RNF128: variants seen among roughly 807,000 people sequenced by gnomAD.
RNF128 encodes the protein E3 ubiquitin-protein ligase RNF128.
A neutral mutation model predicts 26.2 loss-of-function variants in RNF128; 13 were observed. The observed-to-expected ratio is 0.50, with a 90% CI of 0.32 to 0.79. RNF128 has a LOEUF of 0.79. Ranked by LOEUF, RNF128 falls within the 30% of genes least tolerant of loss-of-function variation. The pLI is 0.03. For synonymous variants in RNF128, 149 were observed against 142.5 expected, an observed-to-expected ratio of 1.05 and a Z score of -0.32; for missense variants, 315 against 349.7, an observed-to-expected ratio of 0.90 and a Z score of 0.79.
chrX:106,755,759 A>G (rs749734139), intron 1 of RNF128, among the ~76,000 whole-genome samples: 8 of 111,428 alleles, frequency 7.2e-5, no homozygotes, highest in Admixed American at 9.6e-5. Context: ...AGAAGGAAAT[A>G]AAGGGTATTC....
At chrX:106,718,496 A>C (rs1388511134) in intron 1 of RNF128, among the ~76,000 whole-genome samples, 1 of 111,150 alleles carries the variant, frequency 9.0e-6, no homozygotes, top group Non-Finnish European at 1.9e-5. Context: ...AAAGCTACAC[A>C]GAGACAGCTT....
At chrX:106,716,473 T>G (rs1055633964) in intron 1 of RNF128, among the ~76,000 whole-genome samples, 4 of 111,468 alleles carry the variant, frequency 3.6e-5, no homozygotes, top group African/African-American at 1.3e-4. Context: ...CATGAGGGAG[T>G]TTTTGTGGTA....
At chrX:106,749,403 AAG>A (rs1929842658) in intron 1 of RNF128, among the ~76,000 whole-genome samples, 1 of 112,184 alleles carries the variant, frequency 8.9e-6, no homozygotes, top group African/African-American at 3.2e-5. Flanking sequence ...TAAAGGGAAA[AAG>A]AGGCTCAACA....
chrX:106,756,700 C>T (rs1930017527), intron 1 of RNF128, among the ~76,000 whole-genome samples: 1 of 109,327 alleles, frequency 9.1e-6, no homozygotes, highest in Non-Finnish European at 1.9e-5. Context: ...GTCCAAAACA[C>T]CAAAAGCAAT....
intron 1 of RNF128, among the ~76,000 whole-genome samples, chrX:106,716,235 T>C (rs1291316261): frequency 8.9e-6 from 1 of 111,962 alleles, no homozygotes; most frequent in African/African-American, 3.3e-5. Context: ...CACAGGACTT[T>C]GTACTCCCTC....
At chrX:106,745,035 CAT>C (rs1929771543) in intron 1 of RNF128, among the ~76,000 whole-genome samples, 1 of 111,509 alleles carries the variant, frequency 9.0e-6, no homozygotes, top group Admixed American at 9.6e-5. Flanking sequence ...ATGAGTGTGA[CAT>C]GTCATCCACA....
At chrX:106,787,475 G>A (rs1001997440) in intron 3 of RNF128, among the ~76,000 whole-genome samples, 2 of 111,074 alleles carry the variant, frequency 1.8e-5, no homozygotes, top group African/African-American at 6.5e-5. Flanking sequence ...AGAGGAGTTT[G>A]TTGGGAGTAA....
In RNF128 at chrX:106,790,172, T is replaced by C; in HGVS notation, c.888-14T>C. On this transcript the variant is annotated splice_polypyrimidine_tract_variant and intron_variant, in intron 4 of 6. Transcript: ENST00000255499. ...TACTTTACAACTGATAATTATGTTT[T>C]TTTCCTGAATTAGCCATATTTTCCA... is the stretch of plus-strand genomic sequence containing the variant. 4 of 1,124,242 alleles carry C rather than the reference T, an allele frequency of 3.6e-6. No individual in the cohort carries two copies. Among genetic ancestry groups the C allele is most frequent in the African/African-American group, 1.8e-5 (1 of 55,830 alleles). The allele number at this position is 1,124,242 out of a possible 1,213,427, so 92.7% of individuals were successfully genotyped here.
At chrX:106,787,772 T>C (rs1300439474) in intron 3 of RNF128, 146 bp from the exon 4 acceptor site, 3 of 370,582 alleles carry the variant, frequency 8.1e-6, no homozygotes, top group East Asian at 9.4e-5. Context: ...TTTGGGAACT[T>C]TACAGTTACA....
intron 1 of RNF128, among the ~76,000 whole-genome samples, chrX:106,749,190 A>G (rs1929839177): frequency 8.9e-6 from 1 of 112,104 alleles, no homozygotes; most frequent in South Asian, 3.7e-4. Context: ...ACACACTGAA[A>G]ATCGGGAGAT....
intron 2 of RNF128, among the ~76,000 whole-genome samples, chrX:106,783,224 A>G (rs757165102): frequency 2.7e-5 from 3 of 111,469 alleles, no homozygotes; most frequent in Non-Finnish European, 5.7e-5. Flanking sequence ...TCTTCCACAA[A>G]ATGATATCTT....
rs1270407581 is a variant in RNF128, at chrX:106,726,940, C to G, written c.27C>G (p.Val9=). The part of the protein sequence containing the change: MGPPPGAG[V]SCRGGCGFSR... ...TGGGGCCGCCGCCTGGGGCCGGGGTCTCCTGCCGCGGTGGCTGCGGCTTTT... is the reference window on the plus strand; with the variant it reads ...TGGGGCCGCCGCCTGGGGCCGGGGTGTCCTGCCGCGGTGGCTGCGGCTTTT... Residue 9 remains valine (V), a synonymous_variant, in exon 1 of 7, where the codon GTC becomes GTG. Transcript: ENST00000255499. 8.5e-7 allele frequency: 1 copy of G among 1,181,750 alleles called. No individual in the cohort carries two copies. The highest frequency in any genetic ancestry group is 1.1e-6 in the Non-Finnish European group (1 of 881,123).
Position 106,700,455 on chromosome X carries a change from G to T in RNF128, c.406+6047G>T, listed in dbSNP as rs187080632. Among the ~76,000 whole-genome samples, 765 of 112,083 alleles carry T rather than the reference G, an allele frequency of 6.8e-3. 4 individuals carry two copies. The highest frequency in any genetic ancestry group is 0.023 in the African/African-American group (722 of 30,861). On this transcript the variant is annotated intron_variant, in intron 1 of 6. Transcript: ENST00000324342. ...GCATAGTGCATGGTCTTCACTATTT[G>T]CTCAATGAATAAAAGTTTAAGAAGC...
chrX:106,714,920 T>C (rs775487922), intron 1 of RNF128, among the ~76,000 whole-genome samples: 2 of 112,344 alleles, frequency 1.8e-5, no homozygotes, highest in East Asian at 5.6e-4. Flanking sequence ...TTCCATGGTA[T>C]AGATGTACCA....
intron 2 of RNF128, among the ~76,000 whole-genome samples, 184 bp downstream of exon 2, chrX:106,773,344 G>C (rs1205334823): frequency 8.9e-6 from 1 of 111,734 alleles, no homozygotes; most frequent in Admixed American, 9.5e-5. Flanking sequence ...ATTTGTCAAA[G>C]AACTTAATCC....
At chrX:106,785,990 G>A (rs768292277) in intron 3 of RNF128, among the ~76,000 whole-genome samples, 4 of 111,418 alleles carry the variant, frequency 3.6e-5, no homozygotes, top group Non-Finnish European at 5.7e-5. Flanking sequence ...TTAAGATGTC[G>A]GTTCCCCACC....
upstream of RNF128, among the ~76,000 whole-genome samples, chrX:106,723,957 A>C (rs780792920): frequency 6.3e-5 from 7 of 110,620 alleles, no homozygotes; most frequent in South Asian, 2.7e-3. Context: ...GTCTCTCTAC[A>C]CCCCTGTCTC....
chrX:106,721,836 C>T (rs1929319135), upstream of RNF128, among the ~76,000 whole-genome samples: 1 of 111,769 alleles, frequency 8.9e-6, no homozygotes, highest in Admixed American at 9.5e-5. Context: ...TGGATTTTGG[C>T]AGGTTGCTGT....
rs747505147 is a variant in RNF128, at chrX:106,737,223, T to TTTA, written c.484+9840_484+9842dup. 2.3e-3 allele frequency among the ~76,000 whole-genome samples: 251 copies of TTTA among 111,011 alleles called. 3 individuals carry two copies. The highest frequency in any genetic ancestry group is 7.9e-3 in the African/African-American group (243 of 30,652). ...GTTAGTCATCAGTAGATTTTCTTTTTTTATTATTATTATTATAATACTTTA... is the reference window on the plus strand; with the variant it reads ...GTTAGTCATCAGTAGATTTTCTTTTTTTATTATTATTATTATTATAATACTTTA... On this transcript the variant is annotated intron_variant, in intron 1 of 6. Transcript: ENST00000255499.
Sources: gnomAD v4.1 joint callset for allele counts (sites outside exome capture counted in the v4.1 genomes callset) on GRCh38, gnomAD v4.1.1 for gene constraint, MANE v1.5 for transcripts, NCBI Gene and HGNC (gene_info 2026-07-23, HGNC 2026-07-21) for gene names.